Variants in NALF1 observed in about 807,000 individuals in gnomAD.
The protein encoded by NALF1 is family with sequence similarity 155 member A.
In NALF1, 3 loss-of-function variants were observed where a neutral mutation model predicts 48.4. The ratio of observed to expected loss-of-function variants is 0.06; its 90% CI spans 0.03 to 0.16. The LOEUF (loss-of-function observed/expected upper bound fraction) is 0.16, where lower values mean the gene tolerates loss of function less well. Among genes scored for constraint, NALF1 ranks in the 10% least tolerant of loss-of-function variants. NALF1 has a pLI of 1.00. For synonymous variants in NALF1, 262 were observed against 245.7 expected, an observed-to-expected ratio of 1.07 and a Z score of -0.62; for missense variants, 526 against 571.5, an observed-to-expected ratio of 0.92 and a Z score of 0.81.
At chr13:107,206,876 T>C (rs534413223) in intron 2 of NALF1, among the ~76,000 whole-genome samples, 1 of 152,350 alleles carries the variant, frequency 6.6e-6, no homozygotes, top group East Asian at 1.9e-4. Context: ...TGAAGAATCC[T>C]CGATATCCTA....
intron 1 of NALF1, among the ~76,000 whole-genome samples, chr13:107,744,365 CATT>C (rs1194255798): frequency 6.6e-6 from 1 of 152,148 alleles, no homozygotes; most frequent in East Asian, 1.9e-4. Flanking sequence ...TGGTTACTGT[CATT>C]GTTGTTAAAG....
chr13:107,174,493 C>G lies in NALF1; in HGVS notation c.1088-3707G>C, dbSNP rs532988480. On this transcript the variant is annotated intron_variant, in intron 2 of 2. Coordinates refer to ENST00000375915, the MANE Select transcript of NALF1 (RefSeq NM_001080396.3). ...GCCTCAGCCTCCCCAGTAGCTGGAA[C>G]TACAGGCTCCCGCCAACACACCTGG... Among the ~76,000 whole-genome samples, 5 of 151,866 alleles carry G rather than the reference C, an allele frequency of 3.3e-5. No individual in the cohort carries two copies. In the East Asian group the frequency reaches 9.8e-4, roughly 30 times the overall value.
chr13:107,579,300 A>G (rs1028820138), intron 1 of NALF1, among the ~76,000 whole-genome samples: 1 of 152,152 alleles, frequency 6.6e-6, no homozygotes, highest in Non-Finnish European at 1.5e-5. Flanking sequence ...CATGTTGGCA[A>G]GACCGGTCTT....
At chr13:107,353,106 C>G (rs1882904643) in intron 1 of NALF1, among the ~76,000 whole-genome samples, 1 of 152,066 alleles carries the variant, frequency 6.6e-6, no homozygotes, top group Non-Finnish European at 1.5e-5. Context: ...CCTGATTTAC[C>G]ACTTCTCAAA....
chr13:107,857,231 T>C (rs1880461291), intron 1 of NALF1, among the ~76,000 whole-genome samples: 1 of 152,190 alleles, frequency 6.6e-6, no homozygotes, highest in Admixed American at 6.5e-5. Context: ...TGTTACCCAC[T>C]TCATCTCAGT....
intron 1 of NALF1, among the ~76,000 whole-genome samples, chr13:107,673,944 C>T (rs1881052922): frequency 6.6e-6 from 1 of 152,066 alleles, no homozygotes; most frequent in Admixed American, 6.6e-5. Flanking sequence ...AGTGTTCTCC[C>T]CACACCAAGG....
At chr13:107,747,936 T>C (rs1313423441) in intron 1 of NALF1, among the ~76,000 whole-genome samples, 2 of 152,202 alleles carry the variant, frequency 1.3e-5, no homozygotes, top group African/African-American at 2.4e-5. Flanking sequence ...AGGATAATCT[T>C]ATGTCTCACC....
intron 1 of NALF1, among the ~76,000 whole-genome samples, chr13:107,462,966 T>C (rs987114013): frequency 2.0e-5 from 3 of 152,158 alleles, no homozygotes; most frequent in African/African-American, 7.2e-5. Flanking sequence ...TAGGAAATCA[T>C]GGAGCCTGAG....
chr13:107,426,277 G>A (rs1330237707), intron 1 of NALF1, among the ~76,000 whole-genome samples: 3 of 152,172 alleles, frequency 2.0e-5, no homozygotes, highest in Non-Finnish European at 4.4e-5. Flanking sequence ...GTTAGGTGAG[G>A]TTGTAGAATG....
At chr13:107,751,432 G>A (rs1005649183) in intron 1 of NALF1, among the ~76,000 whole-genome samples, 3 of 151,988 alleles carry the variant, frequency 2.0e-5, no homozygotes, top group Non-Finnish European at 4.4e-5. Flanking sequence ...GCTGGTGTTC[G>A]GACCAAACAC....
intron 1 of NALF1, among the ~76,000 whole-genome samples, chr13:107,759,685 G>T (rs1877210392): frequency 6.6e-6 from 1 of 151,846 alleles, no homozygotes; most frequent in South Asian, 2.1e-4. Flanking sequence ...ACCTTACTGT[G>T]TTCTTACCTT....
intron 1 of NALF1, among the ~76,000 whole-genome samples, chr13:107,315,897 ATATT>A (rs548067246): frequency 1.5e-4 from 22 of 149,388 alleles, no homozygotes; most frequent in African/African-American, 3.9e-4. Context: ...ATATATATAT[ATATT>A]TATTTATTTA....
intron 1 of NALF1, among the ~76,000 whole-genome samples, chr13:107,803,652 A>G (rs1457435481): frequency 6.6e-6 from 1 of 152,198 alleles, no homozygotes; most frequent in Non-Finnish European, 1.5e-5. Flanking sequence ...GTTCCCTTAG[A>G]AAAGTTACCC....
chr13:107,187,624 G>A (rs185265557), intron 2 of NALF1, among the ~76,000 whole-genome samples: 3 of 152,254 alleles, frequency 2.0e-5, no homozygotes, highest in Admixed American at 6.5e-5. Flanking sequence ...ACAACACCAC[G>A]CATACGTGGG....
intron 1 of NALF1, among the ~76,000 whole-genome samples, chr13:107,585,708 G>A (rs1878436012): frequency 1.3e-5 from 2 of 152,046 alleles, no homozygotes; most frequent in African/African-American, 4.8e-5. Context: ...TCTGCCATCT[G>A]TTCTTGGATA....
chr13:107,731,479 T>C (rs565893099), intron 1 of NALF1, among the ~76,000 whole-genome samples: 33 of 152,164 alleles, frequency 2.2e-4, no homozygotes, highest in Non-Finnish European at 7.3e-5. Flanking sequence ...GGGTTTGTTT[T>C]ACAGACTATT....
intron 1 of NALF1, among the ~76,000 whole-genome samples, chr13:107,772,189 C>A (rs1235998618): frequency 2.0e-5 from 3 of 152,204 alleles, no homozygotes; most frequent in South Asian, 2.1e-4. Context: ...CTTTCAGGAA[C>A]TCCTACTCTG....
intron 2 of NALF1, among the ~76,000 whole-genome samples, chr13:107,171,243 C>T (rs371701231): frequency 2.0e-5 from 3 of 152,318 alleles, no homozygotes; most frequent in African/African-American, 7.2e-5. Context: ...TCATCGTTTC[C>T]TCTCAGAAGC....
At chr13:107,292,819 T>C (rs4772869) in intron 1 of NALF1, among the ~76,000 whole-genome samples, 138,708 of 152,256 alleles carry the variant, frequency 0.91, 63,408 homozygotes, top group East Asian at 0.96. Flanking sequence ...TCAAAGATTA[T>C]ATACTGTATA....
Sources: gnomAD v4.1 joint callset for allele counts (sites outside exome capture counted in the v4.1 genomes callset) on GRCh38, gnomAD v4.1.1 for gene constraint, MANE v1.5 for transcripts, NCBI Gene and HGNC (gene_info 2026-07-23, HGNC 2026-07-21) for gene names.